Variants in GABPB2 observed in about 807,000 individuals in gnomAD.
GABPB2 encodes the protein GA binding protein transcription factor subunit beta 2.
In GABPB2, 23 loss-of-function variants were observed where a neutral mutation model predicts 39.1. The ratio of observed to expected loss-of-function variants is 0.59; its 90% CI spans 0.42 to 0.83. The LOEUF is 0.83. Ranked by LOEUF, GABPB2 falls within the 40% of genes least tolerant of loss-of-function variation. The pLI, the probability that GABPB2 is intolerant of heterozygous loss-of-function variation, is 0.00. For synonymous variants in GABPB2, 184 were observed against 199.3 expected (o/e 0.92, Z 0.65); for missense variants, 467 against 541.1 (o/e 0.86, Z 1.36).
intron 5 of GABPB2, among the ~76,000 whole-genome samples, chr1:151,098,210 G>A (rs1399514397): frequency 6.6e-6 from 1 of 152,164 alleles, no homozygotes; most frequent in Admixed American, 6.6e-5. Flanking sequence ...AATACTTATT[G>A]TGTTAAAAGT....
In GABPB2 at chr1:151,093,096, G is replaced by A. The variant is rs1678844607; in HGVS notation, c.277-96G>A. The A allele has an allele frequency of 1.6e-5, 15 of 926,004 alleles. No homozygotes were observed. In the East Asian group the frequency reaches 3.1e-4, roughly 19 times the overall value. 57.4% of individuals were successfully genotyped at this position (926,004 alleles called of 1,614,324 possible). On this transcript the variant is annotated intron_variant, in intron 3 of 8. Coordinates refer to ENST00000368918, the MANE Select transcript of GABPB2 (RefSeq NM_144618.3). ...TTAAATGTGATCTAGATTTGAGTAC[G>A]TAATCTCTATGGAAATCCTCTGTAT...
chr1:151,104,348 C>T (rs1267926896), intron 6 of GABPB2, among the ~76,000 whole-genome samples: 3 of 152,174 alleles, frequency 2.0e-5, no homozygotes, highest in African/African-American at 7.2e-5. Context: ...CCATCTGCTC[C>T]ATCATATATG....
Position 151,071,453 on chromosome 1 carries a change from C to CTTTTTTTTTT in GABPB2, c.-1+526_-1+535dup, listed in dbSNP as rs71090124. Among the ~76,000 whole-genome samples the CTTTTTTTTTT allele has an allele frequency of 1.5e-4, 15 of 100,516 alleles. 1 individual carries two copies. The highest frequency in any genetic ancestry group is 3.4e-4 in the South Asian group (1 of 2,926). The allele number at this position is 100,516 out of a possible 152,430, so 65.9% of individuals were successfully genotyped here. ...CGGGCCCCGCCTCTGCTTTTTTGCT[C>CTTTTTTTTTT]TTTTTTTTTTTTTTTTCAAAACTGA... On this transcript the variant is annotated intron_variant, in intron 1 of 8. Transcript: ENST00000368918.
intron 1 of GABPB2, among the ~76,000 whole-genome samples, chr1:151,072,111 C>A (rs990553214): frequency 6.6e-6 from 1 of 152,214 alleles, no homozygotes; most frequent in African/African-American, 2.4e-5. Context: ...TATTTTCACA[C>A]GTGCTTTGAT....
At chr1:151,097,822 CT>C in intron 4 of GABPB2, 29 bp from the exon 5 acceptor site, 4 of 1,590,110 alleles carry the variant, frequency 2.5e-6, no homozygotes, top group Non-Finnish European at 3.4e-6. Flanking sequence ...AATAAGTGTT[CT>C]GATTGAAATA....
chr1:151,086,875 G>A (rs1678247716), intron 1 of GABPB2, among the ~76,000 whole-genome samples: 1 of 151,840 alleles, frequency 6.6e-6, no homozygotes, highest in South Asian at 2.1e-4. Context: ...ATTTTTTCGA[G>A]ATAGTGTCTC....
At chr1:151,074,310 CTTT>C (rs113264875) in intron 1 of GABPB2, among the ~76,000 whole-genome samples, 3 of 105,836 alleles carry the variant, frequency 2.8e-5, no homozygotes, top group African/African-American at 3.4e-5. Context: ...CATGCTTCCG[CTTT>C]TTTTTTTTTT....
Position 151,118,235 on chromosome 1 carries a change from C to T in GABPB2, c.1326C>T (p.Ser442=), listed in dbSNP as rs758211134. The change falls in exon 9 of 9, where the codon TCC becomes TCT. Residue 442 remains serine, a synonymous_variant. Transcript: ENST00000368918. ...CCACAGAGCCTCACACTAGAGTTTC[C>T]ATGGCAACTGTTTCATCTTAATATG... The part of the protein sequence containing the change: ...AGTTEPHTRV[S]MATVSS 20 of 1,612,938 alleles carry T rather than the reference C, an allele frequency of 1.2e-5. No homozygotes were observed. The South Asian group carries it at 2.1e-4, about 17-fold the overall frequency.
chr1:151,105,067 C>A (rs1220847125), intron 6 of GABPB2, among the ~76,000 whole-genome samples: 1 of 151,896 alleles, frequency 6.6e-6, no homozygotes, highest in Non-Finnish European at 1.5e-5. Context: ...CCACCATGCC[C>A]AGCTAAATTT....
Position 151,118,234 on chromosome 1 carries a change from C to T in GABPB2, c.1325C>T (p.Ser442Phe). 1 of 1,613,018 alleles carries T rather than the reference C, an allele frequency of 6.2e-7. No individual in the cohort carries two copies. The highest frequency in any genetic ancestry group is 8.5e-7 in the Non-Finnish European group (1 of 1,179,244). The change falls in exon 9 of 9, where the codon TCC (serine) becomes TTC (phenylalanine). Residue 442 changes from serine to phenylalanine, a missense_variant. Ser to Phe is a radical substitution (Grantham distance 155). Coordinates refer to ENST00000368918, the MANE Select transcript of GABPB2 (RefSeq NM_144618.3). ...ACCACAGAGCCTCACACTAGAGTTT[C>T]CATGGCAACTGTTTCATCTTAATAT... ...AGTTEPHTRV[S>F]MATVSS
Position 151,103,662 on chromosome 1 carries a change from ACACAGAGC to A in GABPB2, c.729_736del (p.Arg243SerfsTer13), listed in dbSNP as rs1019307467. 2 of 1,610,824 alleles carry A rather than the reference ACACAGAGC, an allele frequency of 1.2e-6. No individual in the cohort carries two copies. The highest frequency in any genetic ancestry group is 2.7e-5 in the African/African-American group (2 of 74,830). The stretch of plus-strand genomic sequence containing the variant: ...AGGCATCAGTCCCCCTCTCCAACTC[ACACAGAGC>A]CACAGGTAGGTAAGGGATATGCTGC... On this transcript the variant is annotated frameshift_variant, in exon 6 of 9. Coordinates refer to ENST00000368918, the MANE Select transcript of GABPB2 (RefSeq NM_144618.3). LOFTEE classifies it high-confidence loss of function.
chr1:151,117,556 A>G (rs368694486), intron 8 of GABPB2, 40 bp downstream of exon 8: 46 of 1,602,534 alleles, frequency 2.9e-5, no homozygotes, highest in Non-Finnish European at 3.8e-5. Flanking sequence ...TTAAAGCCTT[A>G]ATTATTAAGG....
At chr1:151,114,682 C>CCTTTTT (rs1680721163) in intron 7 of GABPB2, among the ~76,000 whole-genome samples, 1 of 148,894 alleles carries the variant, frequency 6.7e-6, no homozygotes. Flanking sequence ...GGAGACAGAG[C>CCTTTTT]GAGACTCTGT....
intron 5 of GABPB2, among the ~76,000 whole-genome samples, chr1:151,102,397 T>C (rs1386630067): frequency 6.6e-6 from 1 of 152,216 alleles, no homozygotes; most frequent in East Asian, 1.9e-4. Flanking sequence ...TTTTTAGTGT[T>C]AATCTATTGT....
intron 7 of GABPB2, among the ~76,000 whole-genome samples, chr1:151,108,651 G>A (rs1364109600): frequency 6.6e-6 from 1 of 151,984 alleles, no homozygotes; most frequent in Non-Finnish European, 1.5e-5. Flanking sequence ...ACAGTTCCAC[G>A]CCACCATGCC....
intron 7 of GABPB2, among the ~76,000 whole-genome samples, chr1:151,114,578 G>T (rs1680707935): frequency 6.6e-6 from 1 of 151,984 alleles, no homozygotes; most frequent in African/African-American, 2.4e-5. Context: ...TATGCCTATA[G>T]TCCCAGATAC....
chr1:151,120,470 A>T lies in GABPB2; in HGVS notation c.*2214A>T, dbSNP rs1300891966. The T allele has an allele frequency of 6.6e-6, 1 of 152,192 alleles. No homozygotes were observed. Among genetic ancestry groups the T allele is most frequent in the Non-Finnish European group, 1.5e-5 (1 of 68,058 alleles). 9.4% of individuals were successfully genotyped at this position (152,192 alleles called of 1,614,324 possible). A position where few individuals can be genotyped will look rare whatever the true frequency, so the allele number is the denominator to read the frequency against. On this transcript the variant is annotated 3_prime_UTR_variant, in exon 9 of 9. Coordinates refer to ENST00000368918, the MANE Select transcript of GABPB2 (RefSeq NM_144618.3). ...AGTTGCAATGAGCCGAGATGGCACCATTGCACTCCAACCTGGGCAACAAGA... is the reference window on the plus strand; with the variant it reads ...AGTTGCAATGAGCCGAGATGGCACCTTTGCACTCCAACCTGGGCAACAAGA...
chr1:151,099,535 A>G (rs781478219), intron 5 of GABPB2, among the ~76,000 whole-genome samples: 1 of 152,176 alleles, frequency 6.6e-6, no homozygotes, highest in Non-Finnish European at 1.5e-5. Context: ...TTTTTTTACA[A>G]TGAAATAACT....
At chr1:151,080,140 T>C (rs1167974871) in intron 1 of GABPB2, among the ~76,000 whole-genome samples, 1 of 140,450 alleles carries the variant, frequency 7.1e-6, no homozygotes, top group Non-Finnish European at 1.5e-5. Context: ...GCTTGAACTT[T>C]GGAGGCAGAG....
Sources: gnomAD v4.1 joint callset for allele counts (sites outside exome capture counted in the v4.1 genomes callset) on GRCh38, gnomAD v4.1.1 for gene constraint, MANE v1.5 for transcripts, NCBI Gene and HGNC (gene_info 2026-07-23, HGNC 2026-07-21) for gene names.